Variants in MAGI2 observed in about 807,000 individuals in gnomAD.
MAGI2 encodes membrane associated guanylate kinase, WW and PDZ domain containing 2.
A neutral mutation model predicts 133.3 loss-of-function variants in MAGI2; 35 were observed. The observed-to-expected ratio is 0.26, with a 90% confidence interval of 0.20 to 0.35. The LOEUF is 0.35. MAGI2 is among the 10% of genes least tolerant of loss of function. The probability of loss-of-function intolerance (pLI) is 1.00; values close to 1 mark genes in which losing one functional copy is unlikely to be tolerated. For synonymous variants in MAGI2, 729 were observed against 710.6 expected, an observed-to-expected ratio of 1.03 and a Z score of -0.41; for missense variants, 1,636 against 1,863.4, an observed-to-expected ratio of 0.88 and a Z score of 2.25.
chr7:78,560,260 G>A (rs759789680), intron 3 of MAGI2, among the ~76,000 whole-genome samples: 4 of 152,180 alleles, frequency 2.6e-5, no homozygotes, highest in Non-Finnish European at 4.4e-5. Flanking sequence ...TTTCAACATG[G>A]TGAGTTTGAA....
chr7:78,784,336 T>G (rs1043236511), intron 2 of MAGI2, among the ~76,000 whole-genome samples: 2 of 152,122 alleles, frequency 1.3e-5, no homozygotes, highest in African/African-American at 4.8e-5. Flanking sequence ...AGGGCCTCTC[T>G]GACCTTCTCT....
At chr7:79,317,220 C>G (rs1838807777) in intron 1 of MAGI2, among the ~76,000 whole-genome samples, 1 of 152,016 alleles carries the variant, frequency 6.6e-6, no homozygotes, top group African/African-American at 2.4e-5. Flanking sequence ...GACGGGTTTT[C>G]ACCTTATTGG....
intron 2 of MAGI2, among the ~76,000 whole-genome samples, chr7:78,942,829 C>G (rs898323450): frequency 3.3e-5 from 5 of 151,402 alleles, no homozygotes; most frequent in East Asian, 1.9e-4. Flanking sequence ...AAAGAAGGGA[C>G]CATGTCTAAG....
chr7:78,105,871 A>G (rs939391231), intron 20 of MAGI2, among the ~76,000 whole-genome samples: 6 of 152,016 alleles, frequency 3.9e-5, no homozygotes, highest in African/African-American at 1.2e-4. Context: ...AAACATTTCA[A>G]TTCTACTTAT....
At chr7:78,880,091 T>C (rs1795732070) in intron 2 of MAGI2, among the ~76,000 whole-genome samples, 2 of 151,984 alleles carry the variant, frequency 1.3e-5, no homozygotes, top group South Asian at 4.1e-4. Flanking sequence ...ACCAAACCTA[T>C]AAATTACTGG....
intron 3 of MAGI2, among the ~76,000 whole-genome samples, chr7:78,532,162 G>C (rs1291578244): frequency 6.6e-6 from 1 of 152,050 alleles, no homozygotes; most frequent in Non-Finnish European, 1.5e-5. Context: ...ACAGAATTAG[G>C]ACATACCTCT....
Position 78,627,205 on chromosome 7 carries a change from A to G in MAGI2, c.453T>C (p.Pro151=). 1 of 1,588,014 alleles carries G rather than the reference A, an allele frequency of 6.3e-7. No homozygotes were observed. The highest frequency in any genetic ancestry group is 8.6e-7 in the Non-Finnish European group (1 of 1,167,028). The change falls in exon 3 of 22, where the codon CCT becomes CCC. Residue 151 remains proline, a synonymous_variant. Transcript: ENST00000354212. The part of the protein sequence containing the change: ...TTRPHKEGEV[P]GVDYIFITVE... Reference sequence around the variant, plus strand: ...CAGTGATGAAAATATAATCCACTCCAGGGACCTCACCCTCCTTATGTGGCC... The same window carrying G: ...CAGTGATGAAAATATAATCCACTCCGGGGACCTCACCCTCCTTATGTGGCC...
intron 9 of MAGI2, among the ~76,000 whole-genome samples, chr7:78,273,512 T>C (rs913643334): frequency 6.6e-6 from 1 of 152,210 alleles, no homozygotes; most frequent in Non-Finnish European, 1.5e-5. Context: ...TTCTCCTGGA[T>C]GATATCCTGA....
chr7:78,140,235 T>G (rs1822607709), intron 16 of MAGI2, among the ~76,000 whole-genome samples: 1 of 152,210 alleles, frequency 6.6e-6, no homozygotes, highest in East Asian at 1.9e-4. Context: ...TGGTGATAGA[T>G]TCTTCCTGAA....
chr7:78,255,839 T>C (rs1792911186), intron 10 of MAGI2, 104 bp downstream of exon 10: 3 of 1,185,500 alleles, frequency 2.5e-6, no homozygotes, highest in South Asian at 1.3e-5. Flanking sequence ...TTTTTTAAAG[T>C]ATAATTTCAT....
In MAGI2 at chr7:78,923,628, G is replaced by A. The variant is rs576390524; in HGVS notation, c.418+83462C>T. Among the ~76,000 whole-genome samples, 3 of 152,296 alleles carry A rather than the reference G, an allele frequency of 2.0e-5. No homozygotes were observed. In the South Asian group the frequency reaches 6.2e-4, roughly 32 times the overall value. On this transcript the variant is annotated intron_variant, in intron 2 of 21. Transcript: ENST00000354212. ...AGTATAGTTTGAAGTCAGGTAGCGTGATGCCTCTGGCTTTGTTCTTTTGGC... is the reference window on the plus strand; with the variant it reads ...AGTATAGTTTGAAGTCAGGTAGCGTAATGCCTCTGGCTTTGTTCTTTTGGC...
chr7:78,725,120 T>C (rs114404297), intron 2 of MAGI2, among the ~76,000 whole-genome samples: 2,905 of 152,324 alleles, frequency 0.019, 78 homozygotes, highest in African/African-American at 0.067. Context: ...AAAATGTCTT[T>C]TATGAAGAAA....
intron 2 of MAGI2, among the ~76,000 whole-genome samples, chr7:78,704,829 G>A (rs1818467463): frequency 7.9e-6 from 1 of 127,206 alleles, no homozygotes; most frequent in South Asian, 2.3e-4. Context: ...TGCCCAGGCT[G>A]GAGTGCAATG....
At chr7:78,220,094 C>T (rs918647402) in intron 10 of MAGI2, among the ~76,000 whole-genome samples, 1 of 152,154 alleles carries the variant, frequency 6.6e-6, no homozygotes, top group African/African-American at 2.4e-5. Flanking sequence ...AGCCCCACTG[C>T]TTACAAAGTT....
intron 1 of MAGI2, among the ~76,000 whole-genome samples, chr7:79,149,738 G>A (rs1337714108): frequency 2.0e-5 from 3 of 151,954 alleles, no homozygotes; most frequent in African/African-American, 7.3e-5. Context: ...AGGAATTTAG[G>A]GTCATTGCCT....
At chr7:78,547,851 T>C (rs546069174) in intron 3 of MAGI2, among the ~76,000 whole-genome samples, 1 of 152,316 alleles carries the variant, frequency 6.6e-6, no homozygotes, top group Admixed American at 6.5e-5. Flanking sequence ...AATAAAACAA[T>C]ATTGAGTGAA....
intron 1 of MAGI2, among the ~76,000 whole-genome samples, chr7:79,406,589 G>A (rs1481155971): frequency 6.6e-6 from 1 of 152,076 alleles, no homozygotes; most frequent in Non-Finnish European, 1.5e-5. Flanking sequence ...CAATAAACAG[G>A]TTCTGTGATT....
At chr7:78,049,241 C>T (rs533829348) in intron 21 of MAGI2, among the ~76,000 whole-genome samples, 44 of 152,220 alleles carry the variant, frequency 2.9e-4, no homozygotes, top group Admixed American at 5.2e-4. Context: ...AAAGACGAGA[C>T]GGCATCTCAT....
At chr7:78,385,013 G>A (rs888827172) in intron 6 of MAGI2, among the ~76,000 whole-genome samples, 2 of 152,146 alleles carry the variant, frequency 1.3e-5, no homozygotes, top group Non-Finnish European at 2.9e-5. Flanking sequence ...CATCAGTTTT[G>A]CTTTTGCCGT....
Sources: gnomAD v4.1 joint callset for allele counts (sites outside exome capture counted in the v4.1 genomes callset) on GRCh38, gnomAD v4.1.1 for gene constraint, MANE v1.5 for transcripts, NCBI Gene and HGNC (gene_info 2026-07-23, HGNC 2026-07-21) for gene names.